IQCM: variants seen among roughly 807,000 people sequenced by gnomAD.
IQCM encodes IQ motif containing M, also known as IQ domain-containing protein M.
IQCM carries 45 observed loss-of-function variants against 57.6 expected under a neutral mutation model. The observed-to-expected ratio is 0.78, with a 90% CI of 0.62 to 1.00. The LOEUF (loss-of-function observed/expected upper bound fraction) is 1.00. IQCM is among the 50% of genes least tolerant of loss of function. The pLI is 0.00. For synonymous variants in IQCM, 148 were observed against 158.9 expected (o/e 0.93, Z 0.51); for missense variants, 468 against 511.6 (o/e 0.91, Z 0.82).
chr4:149,384,418 T>A (rs1370688724), intron 13 of IQCM, among the ~76,000 whole-genome samples: 1 of 152,128 alleles, frequency 6.6e-6, no homozygotes, highest in Non-Finnish European at 1.5e-5. Flanking sequence ...TTCTCCCATA[T>A]CGAGAAAAAG....
intron 2 of IQCM, among the ~76,000 whole-genome samples, chr4:149,795,990 AG>A (rs1203762317): frequency 6.6e-6 from 1 of 152,224 alleles, no homozygotes; most frequent in Non-Finnish European, 1.5e-5. Context: ...GGTGAGACTC[AG>A]AACATTGCCA....
chr4:149,418,646 C>T (rs1383586709), intron 13 of IQCM, among the ~76,000 whole-genome samples: 1 of 151,788 alleles, frequency 6.6e-6, no homozygotes, highest in Non-Finnish European at 1.5e-5. Context: ...AAAAATTAAA[C>T]TTCAGGCCAA....
intron 12 of IQCM, among the ~76,000 whole-genome samples, chr4:149,444,123 TATCAA>T (rs72128963): frequency 0.22 from 32,641 of 151,638 alleles, 4,357 homozygotes; most frequent in Non-Finnish European, 0.29. Flanking sequence ...GAGGTTTCGC[TATCAA>T]TTCAAAGGAG....
At chr4:149,426,695 C>A (rs902226361) in intron 13 of IQCM, among the ~76,000 whole-genome samples, 2 of 151,994 alleles carry the variant, frequency 1.3e-5, no homozygotes, top group African/African-American at 2.4e-5. Context: ...ACCGCATACA[C>A]CTCTCTAAGA....
At chr4:149,537,802 G>T (rs1747450796) in intron 12 of IQCM, among the ~76,000 whole-genome samples, 1 of 151,826 alleles carries the variant, frequency 6.6e-6, no homozygotes, top group Non-Finnish European at 1.5e-5. Context: ...GAAGGCAGTA[G>T]AAGGATATAT....
At chr4:149,658,176 G>T (rs79190326) in intron 7 of IQCM, among the ~76,000 whole-genome samples, 1 of 151,812 alleles carries the variant, frequency 6.6e-6, no homozygotes, top group Non-Finnish European at 1.5e-5. Context: ...GTTTACTGTT[G>T]TACGTTAAGA....
chr4:149,534,649 T>C (rs1747101122), intron 12 of IQCM, among the ~76,000 whole-genome samples: 1 of 152,080 alleles, frequency 6.6e-6, no homozygotes, highest in South Asian at 2.1e-4. Flanking sequence ...ACATGAGATA[T>C]TTATATTAAT....
At chr4:149,781,118 A>G (rs2150008785) in intron 2 of IQCM, among the ~76,000 whole-genome samples, 1 of 152,228 alleles carries the variant, frequency 6.6e-6, no homozygotes, top group East Asian at 1.9e-4. Flanking sequence ...AAACATTCCT[A>G]TTTCAAGAAA....
intron 13 of IQCM, among the ~76,000 whole-genome samples, chr4:149,379,256 G>A (rs1380265317): frequency 6.6e-6 from 1 of 152,166 alleles, no homozygotes; most frequent in East Asian, 1.9e-4. Flanking sequence ...CCTCATTGGG[G>A]CACTGCCTAG....
intron 7 of IQCM, among the ~76,000 whole-genome samples, chr4:149,676,948 A>C (rs2150192254): frequency 6.6e-6 from 1 of 152,124 alleles, no homozygotes; most frequent in Admixed American, 6.6e-5. Context: ...TCAAACACAA[A>C]AATTATGAAC....
At chr4:149,643,493 G>A in intron 7 of IQCM, among the ~76,000 whole-genome samples, 1 of 152,172 alleles carries the variant, frequency 6.6e-6, no homozygotes. Context: ...GACATTAAAG[G>A]TTGGTGAGTA....
intron 8 of IQCM, among the ~76,000 whole-genome samples, chr4:149,591,522 T>C (rs1400504721): frequency 1.3e-5 from 2 of 152,062 alleles, no homozygotes; most frequent in African/African-American, 2.4e-5. Flanking sequence ...TACATATGTA[T>C]ACATGTGCCA....
intron 2 of IQCM, chr4:149,789,812 G>GGAGGATT (rs1772419130): frequency 1.3e-5 from 2 of 156,016 alleles, no homozygotes; most frequent in South Asian, 4.0e-4. Flanking sequence ...TAAGGAGTTG[G>GGAGGATT]GAGGATTGTT....
At chr4:149,389,960 G>T (rs904366457) in intron 13 of IQCM, among the ~76,000 whole-genome samples, 9 of 151,704 alleles carry the variant, frequency 5.9e-5, no homozygotes, top group Admixed American at 2.0e-4. Context: ...TTGGTCCCTT[G>T]TATTTCCATA....
intron 7 of IQCM, among the ~76,000 whole-genome samples, chr4:149,676,034 C>G (rs1274039296): frequency 1.3e-5 from 2 of 151,956 alleles, no homozygotes; most frequent in Non-Finnish European, 2.9e-5. Flanking sequence ...TAAAGTGTTT[C>G]TCTTAACAAA....
At chr4:149,512,052 G>A (rs1417913881) in intron 12 of IQCM, among the ~76,000 whole-genome samples, 1 of 152,138 alleles carries the variant, frequency 6.6e-6, no homozygotes, top group East Asian at 1.9e-4. Context: ...ATAGTGTCAT[G>A]TACTGCAAAA....
chr4:149,510,611 G>A (rs185923471), intron 12 of IQCM, among the ~76,000 whole-genome samples: 20 of 152,194 alleles, frequency 1.3e-4, no homozygotes, highest in African/African-American at 4.8e-4. Flanking sequence ...GATACAGGAT[G>A]CCATATTATA....
chr4:149,557,589 T>C (rs919260217), intron 10 of IQCM, among the ~76,000 whole-genome samples: 2 of 152,142 alleles, frequency 1.3e-5, no homozygotes, highest in Non-Finnish European at 2.9e-5. Flanking sequence ...TCTAAATGCT[T>C]ACTCTCACCA....
At chr4:149,390,116 A>G (rs1274180199) in intron 13 of IQCM, among the ~76,000 whole-genome samples, 1 of 151,994 alleles carries the variant, frequency 6.6e-6, no homozygotes, top group Non-Finnish European at 1.5e-5. Context: ...AATTAATTAG[A>G]TCTTATTTAA....
Sources: allele counts gnomAD v4.1 joint callset (sites outside exome capture counted in the v4.1 genomes callset), GRCh38; gene constraint gnomAD v4.1.1; transcripts MANE v1.5; gene names NCBI Gene and HGNC (gene_info 2026-07-23, HGNC 2026-07-21).